CHCHD3: variants seen among roughly 807,000 people sequenced by gnomAD.
CHCHD3 encodes the protein MICOS complex subunit MIC19.
Under a neutral mutation model 38.2 loss-of-function variants are expected in CHCHD3, and 20 were observed. The observed-to-expected ratio is 0.52, with a 90% CI of 0.37 to 0.76. CHCHD3 has a LOEUF of 0.76. Among genes scored for constraint, CHCHD3 ranks in the 30% least tolerant of loss-of-function variants. The pLI, the probability that CHCHD3 is intolerant of heterozygous loss-of-function variation, is 0.00. For missense variants in CHCHD3, 245 were observed against 279.2 expected (o/e 0.88, Z 0.87); for synonymous variants, 82 against 100.0 (o/e 0.82, Z 1.07).
chr7:133,020,667 C>T (rs776669790), intron 3 of CHCHD3, among the ~76,000 whole-genome samples: 2 of 152,168 alleles, frequency 1.3e-5, no homozygotes, highest in African/African-American at 2.4e-5. Flanking sequence ...GTTGTCATTG[C>T]TTGCACAGAA....
intron 4 of CHCHD3, among the ~76,000 whole-genome samples, chr7:132,888,546 T>A (rs985405246): frequency 2.6e-5 from 4 of 151,960 alleles, no homozygotes; most frequent in African/African-American, 9.7e-5. Context: ...TCTTCTTATG[T>A]GGCCAATTTC....
intron 2 of CHCHD3, among the ~76,000 whole-genome samples, chr7:133,060,583 A>G (rs558895433): frequency 1.3e-5 from 2 of 152,318 alleles, no homozygotes; most frequent in Middle Eastern, 3.4e-3. Context: ...AAGGTGGAAC[A>G]GTATTCAGAC....
At chr7:133,004,182 T>C (rs2117396509) in intron 3 of CHCHD3, among the ~76,000 whole-genome samples, 1 of 152,200 alleles carries the variant, frequency 6.6e-6, no homozygotes. Context: ...GGTTGGTCTT[T>C]AACTCCTGAC....
At chr7:132,933,427 C>G (rs1810563277) in intron 4 of CHCHD3, among the ~76,000 whole-genome samples, 1 of 152,136 alleles carries the variant, frequency 6.6e-6, no homozygotes, top group African/African-American at 2.4e-5. Context: ...TATCATAAGG[C>G]TCTTCTAAAA....
chr7:132,905,841 C>CTGCA (rs1323608645), intron 4 of CHCHD3, among the ~76,000 whole-genome samples: 3 of 152,158 alleles, frequency 2.0e-5, no homozygotes, highest in Non-Finnish European at 4.4e-5. Context: ...GAGTACTGTA[C>CTGCA]TGCAGAGTGG....
At chr7:133,025,795 C>T (rs1037437309) in intron 2 of CHCHD3, among the ~76,000 whole-genome samples, 4 of 152,240 alleles carry the variant, frequency 2.6e-5, no homozygotes, top group African/African-American at 9.6e-5. Context: ...TAAGCCACCA[C>T]GCCTGGCCAG....
chr7:132,912,045 T>C (rs1285771545), intron 4 of CHCHD3, among the ~76,000 whole-genome samples: 5 of 152,220 alleles, frequency 3.3e-5, no homozygotes. Context: ...AGCTGCCCTA[T>C]TCATAATTCT....
intron 3 of CHCHD3, among the ~76,000 whole-genome samples, chr7:132,981,939 T>C (rs551372776): frequency 6.6e-6 from 1 of 152,106 alleles, no homozygotes; most frequent in Non-Finnish European, 1.5e-5. Context: ...TTTCAAACAC[T>C]GAAAGAGAAA....
intron 4 of CHCHD3, among the ~76,000 whole-genome samples, chr7:132,955,176 GTGT>G (rs1562920080): frequency 1.6e-3 from 218 of 139,476 alleles, no homozygotes; most frequent in Non-Finnish European, 2.4e-3. Context: ...CTCAGAGGGT[GTGT>G]GTGTGTGTGT....
chr7:132,986,770 C>T (rs1812135266), intron 3 of CHCHD3, among the ~76,000 whole-genome samples: 1 of 152,086 alleles, frequency 6.6e-6, no homozygotes, highest in South Asian at 2.1e-4. Context: ...GCATGAAAGA[C>T]ATACATTAGT....
At chr7:132,866,818 G>C (rs1484710517) in intron 5 of CHCHD3, among the ~76,000 whole-genome samples, 1 of 152,190 alleles carries the variant, frequency 6.6e-6, no homozygotes, top group South Asian at 2.1e-4. Context: ...TTTCTGAAAA[G>C]ATAGTGAAGA....
chr7:133,017,563 G>A (rs182911082), intron 3 of CHCHD3, among the ~76,000 whole-genome samples: 1 of 152,244 alleles, frequency 6.6e-6, no homozygotes, highest in Admixed American at 6.5e-5. Context: ...TTCAAACACT[G>A]CACTTCACGA....
chr7:132,790,852 G>T (rs952283335), intron 7 of CHCHD3, among the ~76,000 whole-genome samples: 1 of 152,162 alleles, frequency 6.6e-6, no homozygotes, highest in East Asian at 1.9e-4. Context: ...GGGGACTGGG[G>T]TCACCTACTG....
intron 6 of CHCHD3, among the ~76,000 whole-genome samples, chr7:132,827,930 C>T (rs1405711878): frequency 6.6e-6 from 1 of 152,138 alleles, no homozygotes; most frequent in Non-Finnish European, 1.5e-5. Context: ...TCCCTATATT[C>T]CAATCAGCTT....
intron 2 of CHCHD3, among the ~76,000 whole-genome samples, chr7:133,066,595 T>C (rs1814677158): frequency 1.3e-5 from 2 of 152,056 alleles, no homozygotes; most frequent in Admixed American, 6.5e-5. Context: ...CCCAGGCTGG[T>C]CACAGCTGGT....
chr7:133,062,254 T>C (rs1419855981), intron 2 of CHCHD3, among the ~76,000 whole-genome samples: 2 of 152,138 alleles, frequency 1.3e-5, no homozygotes, highest in African/African-American at 4.8e-5. Flanking sequence ...TATAAGAGAT[T>C]TGGGCCATCC....
intron 3 of CHCHD3, among the ~76,000 whole-genome samples, chr7:132,983,547 C>T (rs1484967509): frequency 1.3e-5 from 2 of 152,164 alleles, no homozygotes; most frequent in African/African-American, 4.8e-5. Flanking sequence ...CACTGTGATG[C>T]TAATCATCGA....
At chr7:133,004,136 T>C (rs1812641605) in intron 3 of CHCHD3, among the ~76,000 whole-genome samples, 1 of 152,048 alleles carries the variant, frequency 6.6e-6, no homozygotes, top group Admixed American at 6.6e-5. Flanking sequence ...TTTGTTTTTG[T>C]TTTTCAGTAG....
chr7:132,804,507 C>T (rs906813762), intron 6 of CHCHD3, among the ~76,000 whole-genome samples: 1 of 152,158 alleles, frequency 6.6e-6, no homozygotes, highest in Admixed American at 6.5e-5. Flanking sequence ...CATAAAAATA[C>T]ATTCCAGTAC....
Sources: allele counts gnomAD v4.1 joint callset (sites outside exome capture counted in the v4.1 genomes callset), GRCh38; gene constraint gnomAD v4.1.1; transcripts MANE v1.5; gene names NCBI Gene and HGNC (gene_info 2026-07-23, HGNC 2026-07-21).